The following PTPRN2 variants were observed in gnomAD, a reference collection of about 807,000 sequenced individuals.
PTPRN2 encodes receptor-type tyrosine-protein phosphatase N2.
PTPRN2 carries 74 observed loss-of-function variants against 118.8 expected under a neutral mutation model. The ratio of observed to expected loss-of-function variants is 0.62; its 90% CI spans 0.52 to 0.76. The LOEUF (loss-of-function observed/expected upper bound fraction) is 0.76. Ranked by LOEUF, PTPRN2 falls within the 30% of genes least tolerant of loss-of-function variation. PTPRN2 has a pLI of 0.00. For missense variants in PTPRN2, 1,481 were observed against 1,394.4 expected, an observed-to-expected ratio of 1.06 and a Z score of -0.99; for synonymous variants, 641 against 608.0, an observed-to-expected ratio of 1.05 and a Z score of -0.80.
intron 12 of PTPRN2, chr7:157,864,814 C>A (rs1323271805): frequency 6.6e-6 from 1 of 152,230 alleles, no homozygotes; most frequent in Non-Finnish European, 1.5e-5. Flanking sequence ...AAGGTGGTAC[C>A]ATCGAGGGAG....
At chr7:158,328,647 C>T (rs926482093) in intron 2 of PTPRN2, among the ~76,000 whole-genome samples, 4 of 152,060 alleles carry the variant, frequency 2.6e-5, no homozygotes, top group African/African-American at 4.8e-5. Flanking sequence ...CCTCCCACCA[C>T]CCAGATCCCA....
chr7:158,503,738 C>T (rs912472784), intron 1 of PTPRN2, among the ~76,000 whole-genome samples: 5 of 152,210 alleles, frequency 3.3e-5, no homozygotes, highest in Admixed American at 6.5e-5. Flanking sequence ...CGGTGGCTCA[C>T]GCCTGTAATC....
chr7:158,420,047 G>A (rs1393982416), intron 2 of PTPRN2, among the ~76,000 whole-genome samples: 1 of 152,128 alleles, frequency 6.6e-6, no homozygotes, highest in Admixed American at 6.5e-5. Context: ...TGACCCCTAA[G>A]GTCTCCAGAG....
At chr7:158,505,391 TTCTC>T (rs1586822424) in intron 1 of PTPRN2, among the ~76,000 whole-genome samples, 1 of 152,064 alleles carries the variant, frequency 6.6e-6, no homozygotes, top group South Asian at 2.1e-4. Context: ...GCGTGCAGAA[TTCTC>T]TCTGTTGGCT....
At chr7:157,900,700 C>T (rs1797389479) in intron 11 of PTPRN2, among the ~76,000 whole-genome samples, 1 of 152,238 alleles carries the variant, frequency 6.6e-6, no homozygotes, top group Non-Finnish European at 1.5e-5. Flanking sequence ...TCAGGCCCTA[C>T]ATGTGCTCAG....
intron 11 of PTPRN2, among the ~76,000 whole-genome samples, chr7:157,965,573 G>T (rs1389507304): frequency 6.6e-6 from 1 of 152,144 alleles, no homozygotes; most frequent in Non-Finnish European, 1.5e-5. Flanking sequence ...CCACAGGGTG[G>T]CTCTCCCCAG....
At chr7:158,452,972 C>T (rs894704239) in intron 2 of PTPRN2, among the ~76,000 whole-genome samples, 1 of 152,198 alleles carries the variant, frequency 6.6e-6, no homozygotes, top group Non-Finnish European at 1.5e-5. Context: ...GGGAGCACCC[C>T]GAGGATCCAC....
chr7:158,484,528 A>G (rs1259207391), intron 2 of PTPRN2, among the ~76,000 whole-genome samples: 1 of 151,978 alleles, frequency 6.6e-6, no homozygotes, highest in Non-Finnish European at 1.5e-5. Flanking sequence ...ACGCCCAGCT[A>G]ATTTTTGTAT....
chr7:157,571,543 G>A (rs369247206), intron 19 of PTPRN2, 50 bp from the exon 20 acceptor site: 44 of 1,406,822 alleles, frequency 3.1e-5, no homozygotes, highest in Non-Finnish European at 2.8e-5. Context: ...AAGACTTTGC[G>A]TTATCCAAAA....
rs577272778 is a variant in PTPRN2 at position 158,061,477 on chromosome 7, C to T, written c.1723+19821G>A. 9.9e-5 allele frequency among the ~76,000 whole-genome samples: 15 copies of T among 152,056 alleles called. No homozygotes were observed. The South Asian group carries it at 1.5e-3, about 15-fold the overall frequency. On this transcript the variant is annotated intron_variant, in intron 11 of 22. Coordinates refer to ENST00000389418, the MANE Select transcript of PTPRN2 (RefSeq NM_002847.5). Reference sequence around the variant, plus strand: ...CGCTCGGCAGAGAAATGGACCGTGCCGCCAATGCACTCGGCGCTGAACCAT... The same window carrying T: ...CGCTCGGCAGAGAAATGGACCGTGCTGCCAATGCACTCGGCGCTGAACCAT...
chr7:158,539,669 C>T (rs1250802800), intron 1 of PTPRN2: 2 of 238,108 alleles, frequency 8.4e-6, no homozygotes, highest in South Asian at 4.3e-5. Flanking sequence ...GGTCTAGCGC[C>T]GAGTCCCGGG....
chr7:157,925,355 T>G (rs1193129595), intron 11 of PTPRN2, among the ~76,000 whole-genome samples: 1 of 152,154 alleles, frequency 6.6e-6, no homozygotes, highest in Admixed American at 6.5e-5. Context: ...GTAGTCAGGA[T>G]GCAGGCACCT....
chr7:158,421,783 G>A (rs1273769433), intron 2 of PTPRN2, among the ~76,000 whole-genome samples: 1 of 152,154 alleles, frequency 6.6e-6, no homozygotes, highest in African/African-American at 2.4e-5. Context: ...TAAATGAGAT[G>A]GAACTGAAAT....
At chr7:157,581,990 G>A (rs890766676) in intron 17 of PTPRN2, among the ~76,000 whole-genome samples, 14 of 152,218 alleles carry the variant, frequency 9.2e-5, no homozygotes, top group African/African-American at 2.9e-4. Context: ...TGCAGAGGCC[G>A]TGAGGATCTT....
chr7:157,663,356 C>A, intron 13 of PTPRN2, among the ~76,000 whole-genome samples: 1 of 152,200 alleles, frequency 6.6e-6, no homozygotes, highest in East Asian at 1.9e-4. Flanking sequence ...GAAGACGTGG[C>A]TGCAGGCCCA....
At chr7:158,410,236 TCTCTA>T (rs1013435239) in intron 2 of PTPRN2, among the ~76,000 whole-genome samples, 3 of 152,018 alleles carry the variant, frequency 2.0e-5, no homozygotes, top group African/African-American at 7.3e-5. Context: ...GCCCGCTCCC[TCTCTA>T]GAGAGCCTCT....
intron 11 of PTPRN2, among the ~76,000 whole-genome samples, chr7:157,906,083 C>T (rs1050926546): frequency 6.6e-6 from 1 of 152,234 alleles, no homozygotes; most frequent in East Asian, 1.9e-4. Context: ...CTGAGGTCAG[C>T]CTTCCTGAAA....
chr7:158,166,796 C>G lies in PTPRN2; in HGVS notation c.910+135G>C, dbSNP rs531775245. On this transcript the variant is annotated intron_variant, in intron 6 of 22. Transcript: ENST00000389418. ...AGGGACCCTTCCCTACATGGTGCCCCATTCCTGCCACGCGTCCTCGGGGGA... is the reference window on the plus strand; with the variant it reads ...AGGGACCCTTCCCTACATGGTGCCCGATTCCTGCCACGCGTCCTCGGGGGA... The G allele has an allele frequency of 1.2e-3, 1,432 of 1,179,564 alleles. 1 individual carries two copies. The highest frequency in any genetic ancestry group is 1.4e-3 in the Non-Finnish European group (1,277 of 904,680). The allele number at this position is 1,179,564 out of a possible 1,614,324, so 73.1% of individuals were successfully genotyped here.
chr7:157,760,899 C>G (rs974695210), intron 12 of PTPRN2, among the ~76,000 whole-genome samples: 3 of 152,148 alleles, frequency 2.0e-5, no homozygotes, highest in Admixed American at 2.0e-4. Flanking sequence ...ATTGAATACC[C>G]TTTATTTCCT....
Sources: gnomAD v4.1 joint callset for allele counts (sites outside exome capture counted in the v4.1 genomes callset) on GRCh38, gnomAD v4.1.1 for gene constraint, MANE v1.5 for transcripts, NCBI Gene and HGNC (gene_info 2026-07-23, HGNC 2026-07-21) for gene names.